Variants in UGP2 observed in about 807,000 individuals in gnomAD.
UGP2 encodes UDP-glucose pyrophosphorylase 2, also known as UTP--glucose-1-phosphate uridylyltransferase.
Under a neutral mutation model 49.0 loss-of-function variants are expected in UGP2, and 40 were observed. The observed-to-expected ratio is 0.82, with a 90% CI of 0.63 to 1.06. UGP2 has a LOEUF of 1.06. UGP2 is among the 50% of genes least tolerant of loss of function. The probability of loss-of-function intolerance (pLI) is 0.00; values close to 1 mark genes in which losing one functional copy is unlikely to be tolerated. For missense variants in UGP2, 460 were observed against 603.5 expected (o/e 0.76, Z 2.49); for synonymous variants, 225 against 213.0 (o/e 1.06, Z -0.49).
chr2:63,867,432 G>C (rs1040799094), intron 3 of UGP2, among the ~76,000 whole-genome samples: 2 of 152,164 alleles, frequency 1.3e-5, no homozygotes, highest in Admixed American at 6.5e-5. Flanking sequence ...TAGGATTTTA[G>C]TGAGGATTAT....
In UGP2 at chr2:63,873,299, T is replaced by C. The variant is rs1325609907; in HGVS notation, c.256-9167T>C. 2.0e-5 allele frequency among the ~76,000 whole-genome samples: 3 copies of C among 152,226 alleles called. No individual in the cohort carries two copies. In the East Asian group the frequency reaches 5.8e-4, roughly 29 times the overall value. ...AAACCACATCACAGCATCAGCTTCT[T>C]ATTCAAGCCAAACAGAAGCCTTCTC... On this transcript the variant is annotated intron_variant, in intron 3 of 9. Coordinates refer to ENST00000337130, the MANE Select transcript of UGP2 (RefSeq NM_006759.4).
At chr2:63,890,208 A>G (rs765580570) in intron 9 of UGP2, 23 bp downstream of exon 9, 35 of 1,543,138 alleles carry the variant, frequency 2.3e-5, no homozygotes, top group Admixed American at 3.7e-5. Flanking sequence ...AATGAAAATT[A>G]TATTTCTTAC....
chr2:63,884,399 T>C (rs1671518044), intron 5 of UGP2, among the ~76,000 whole-genome samples: 1 of 152,236 alleles, frequency 6.6e-6, no homozygotes, highest in African/African-American at 2.4e-5. Flanking sequence ...TGAAAATCTT[T>C]TTATATTCCT....
chr2:63,860,061 A>T (rs1023252906), intron 3 of UGP2, among the ~76,000 whole-genome samples: 5 of 152,114 alleles, frequency 3.3e-5, no homozygotes, highest in Non-Finnish European at 7.4e-5. Flanking sequence ...TTCCTTTCTC[A>T]GGTCTTAGAG....
Position 63,842,017 on chromosome 2 carries a change from C to T in UGP2, c.-169C>T, listed in dbSNP as rs1671580637. On this transcript the variant is annotated 5_prime_UTR_variant, in exon 1 of 10. Coordinates refer to ENST00000337130, the MANE Select transcript of UGP2 (RefSeq NM_006759.4). ...AGTTTCTTTCTTTCTTTTCTTTTTT[C>T]TTGAGCCAGTTTTAATCGCTTTGAA... 1.4e-6 allele frequency: 1 copy of T among 735,180 alleles called. No individual in the cohort carries two copies. Among genetic ancestry groups the T allele is most frequent in the Non-Finnish European group, 2.0e-6 (1 of 510,950 alleles). The allele number at this position is 735,180 out of a possible 1,614,324, so 45.5% of individuals were successfully genotyped here.
chr2:63,887,774 C>A lies in UGP2; in HGVS notation c.1314+130C>A, dbSNP rs945062180. On this transcript the variant is annotated intron_variant, in intron 8 of 9. Transcript: ENST00000337130. Reference sequence around the variant, plus strand: ...CTGTTGTATTCCTCTGTCTTTGATACCTTTTAAAGGGAATTGACCATAGAA... The same window carrying A: ...CTGTTGTATTCCTCTGTCTTTGATAACTTTTAAAGGGAATTGACCATAGAA... 84 of 1,204,918 alleles carry A rather than the reference C, an allele frequency of 7.0e-5. 1 individual carries two copies. The highest frequency in any genetic ancestry group is 8.7e-5 in the Non-Finnish European group (75 of 866,864). 74.6% of individuals were successfully genotyped at this position (1,204,918 alleles called of 1,614,324 possible). A position where few individuals can be genotyped will look rare whatever the true frequency, so the allele number is the denominator to read the frequency against.
intron 3 of UGP2, among the ~76,000 whole-genome samples, chr2:63,867,734 T>C (rs1195411369): frequency 6.6e-6 from 1 of 152,242 alleles, no homozygotes; most frequent in Non-Finnish European, 1.5e-5. Flanking sequence ...ATGAATAATT[T>C]AATACTTTGT....
At chr2:63,857,005 A>G (rs1257438130) in intron 2 of UGP2, 2 of 365,158 alleles carry the variant, frequency 5.5e-6, no homozygotes, top group African/African-American at 4.3e-5. Context: ...AGATATTGGT[A>G]AGTAAGTGTA....
intron 7 of UGP2, among the ~76,000 whole-genome samples, chr2:63,887,128 G>A (rs1213976372): frequency 6.6e-6 from 1 of 152,084 alleles, no homozygotes; most frequent in Non-Finnish European, 1.5e-5. Context: ...AGCTGGGTAG[G>A]TGGCACATGC....
intron 3 of UGP2, among the ~76,000 whole-genome samples, chr2:63,873,861 TAGTA>T (rs956659806): frequency 1.3e-5 from 2 of 152,202 alleles, no homozygotes; most frequent in Admixed American, 6.5e-5. Flanking sequence ...AATCCAGAGT[TAGTA>T]AGACAATTAT....
chr2:63,885,685 T>C lies in UGP2; in HGVS notation c.672T>C (p.Gly224=). Residue 224 remains glycine, a synonymous_variant, in exon 6 of 10, where the codon GGT becomes GGC. Transcript: ENST00000337130. ...AAGCTTGGTACCCTCCAGGTCATGG[T>C]GATATTTACGCCAGTTTCTACAACT... The part of the protein sequence containing the change: ...NTEAWYPPGH[G]DIYASFYNSG... The C allele has an allele frequency of 6.2e-7, 1 of 1,613,954 alleles. No homozygotes were observed. Among genetic ancestry groups the C allele is most frequent in the Non-Finnish European group, 8.5e-7 (1 of 1,179,946 alleles).
intron 1 of UGP2, chr2:63,842,741 A>G (rs1259917147): frequency 1.3e-6 from 1 of 750,352 alleles, no homozygotes; most frequent in Non-Finnish European, 1.9e-6. Flanking sequence ...CAGCTGGAGA[A>G]ATGACTTTGC....
intron 1 of UGP2, among the ~76,000 whole-genome samples, chr2:63,847,475 G>C (rs1469974057): frequency 1.3e-5 from 2 of 152,146 alleles, no homozygotes; most frequent in Non-Finnish European, 2.9e-5. Flanking sequence ...TTTCATGCTC[G>C]TCCGTGTGAA....
chr2:63,857,316 A>G (rs997969944), intron 2 of UGP2, among the ~76,000 whole-genome samples: 6 of 151,382 alleles, frequency 4.0e-5, no homozygotes, highest in African/African-American at 1.2e-4. Context: ...AAAAAAAAAA[A>G]GTACAGAGCC....
intron 3 of UGP2, among the ~76,000 whole-genome samples, chr2:63,859,762 G>C (rs1024359349): frequency 6.6e-6 from 1 of 152,164 alleles, no homozygotes; most frequent in Non-Finnish European, 1.5e-5. Flanking sequence ...TTCATTAAAA[G>C]TGTCTTTATT....
intron 1 of UGP2, 149 bp downstream of exon 1, chr2:63,842,353 CTTGAGCTGCT>C: frequency 1.2e-6 from 2 of 1,603,066 alleles, no homozygotes; most frequent in Non-Finnish European, 1.7e-6. Context: ...TCTGAGCTGC[CTTGAGCTGCT>C]GGGTTGACGT....
intron 3 of UGP2, among the ~76,000 whole-genome samples, chr2:63,866,357 A>G (rs776050543): frequency 3.3e-4 from 50 of 152,224 alleles, no homozygotes; most frequent in Non-Finnish European, 1.6e-4. Flanking sequence ...TCATGATTCT[A>G]TGCTTGCACT....
At chr2:63,877,712 G>A (rs1179953249) in intron 3 of UGP2, among the ~76,000 whole-genome samples, 3 of 151,690 alleles carry the variant, frequency 2.0e-5, no homozygotes, top group Non-Finnish European at 4.4e-5. Context: ...GTCTGCATGC[G>A]GCCGGGCGCG....
chr2:63,889,373 G>C (rs1671918162), intron 8 of UGP2: 1 of 151,964 alleles, frequency 6.6e-6, no homozygotes, highest in Non-Finnish European at 1.5e-5. Context: ...TGAAGAGGGA[G>C]AGTTGCTGAA....
Sources: gnomAD v4.1 joint callset for allele counts (sites outside exome capture counted in the v4.1 genomes callset) on GRCh38, gnomAD v4.1.1 for gene constraint, MANE v1.5 for transcripts, NCBI Gene and HGNC (gene_info 2026-07-23, HGNC 2026-07-21) for gene names.